Variants in C12orf42 observed in about 807,000 individuals in gnomAD.
The protein encoded by C12orf42 is uncharacterized protein C12orf42.
Under a neutral mutation model 21.6 loss-of-function variants are expected in C12orf42, and 25 were observed. That is an observed-to-expected ratio of 1.16 (90% CI 0.84 to 1.62). The LOEUF (loss-of-function observed/expected upper bound fraction) is 1.62, where lower values mean the gene tolerates loss of function less well. C12orf42 is among the 40% of genes most tolerant of loss of function. C12orf42 has a pLI of 0.00. For missense variants in C12orf42, 483 were observed against 459.3 expected (o/e 1.05, Z -0.47); for synonymous variants, 174 against 175.0 (o/e 0.99, Z 0.05).
chr12:103,507,516 A>C, the C12orf42 span, among the ~76,000 whole-genome samples: 6 of 150,004 alleles, frequency 4.0e-5, no homozygotes, highest in African/African-American at 1.5e-4. Context: ...AAAAAAAAAA[A>C]AATTGTTTTT....
downstream of C12orf42, among the ~76,000 whole-genome samples, chr12:103,234,098 A>C (rs2033391716): frequency 1.3e-5 from 2 of 152,176 alleles, no homozygotes; most frequent in Non-Finnish European, 2.9e-5. Flanking sequence ...CTGTTGATGC[A>C]ATGGATTGCA....
intron 1 of C12orf42, among the ~76,000 whole-genome samples, chr12:103,484,588 T>A (rs1200707260): frequency 6.6e-6 from 1 of 152,112 alleles, no homozygotes; most frequent in Non-Finnish European, 1.5e-5. Flanking sequence ...TTGCAAAAAA[T>A]TTTCTCCCAT....
chr12:103,301,560 T>C (rs2037652642), downstream of C12orf42, among the ~76,000 whole-genome samples: 1 of 152,212 alleles, frequency 6.6e-6, no homozygotes, highest in African/African-American at 2.4e-5. Context: ...TTCCAAGTGT[T>C]TCAGGGCCTC....
the C12orf42 span, among the ~76,000 whole-genome samples, chr12:103,506,872 T>A: frequency 1.0e-4 from 6 of 57,398 alleles, no homozygotes; most frequent in Non-Finnish European, 1.5e-4. Context: ...ATATATATAT[T>A]TATATATTAT....
the C12orf42 span, among the ~76,000 whole-genome samples, chr12:103,545,967 G>A: frequency 6.6e-6 from 1 of 152,206 alleles, no homozygotes; most frequent in Non-Finnish European, 1.5e-5. Context: ...TTTATGAATA[G>A]AGACAACTAA....
At chr12:103,048,687 C>A in the C12orf42 span, among the ~76,000 whole-genome samples, 146 of 152,268 alleles carry the variant, frequency 9.6e-4, no homozygotes, top group African/African-American at 3.4e-3. Context: ...AAGAGCTTAG[C>A]CTTGACCTTT....
intron 3 of C12orf42, among the ~76,000 whole-genome samples, chr12:103,377,544 C>A (rs963862804): frequency 3.3e-5 from 5 of 152,068 alleles, no homozygotes; most frequent in African/African-American, 1.2e-4. Flanking sequence ...GCCCGAGTGT[C>A]CCACAGGCCA....
chr12:103,388,252 T>C (rs576582240), intron 3 of C12orf42, among the ~76,000 whole-genome samples: 17 of 152,198 alleles, frequency 1.1e-4, no homozygotes, highest in Non-Finnish European at 1.6e-4. Context: ...CTTTCTGCTT[T>C]GATCTCTCTC....
the C12orf42 span, among the ~76,000 whole-genome samples, chr12:103,152,330 TG>T: frequency 6.6e-6 from 1 of 152,338 alleles, no homozygotes. Flanking sequence ...TATGGTAATT[TG>T]TTATGCAGCA....
intron 2 of C12orf42, among the ~76,000 whole-genome samples, chr12:103,444,406 TATAATTCTGTC>T (rs1345400920): frequency 6.6e-6 from 1 of 152,148 alleles, no homozygotes; most frequent in Non-Finnish European, 1.5e-5. Flanking sequence ...TCATTTATTG[TATAATTCTGTC>T]ATCAATGTGG....
chr12:103,557,590 AGTTGAGGTATATATGCCCTAGCCT>A, the C12orf42 span: 1 of 152,184 alleles, frequency 6.6e-6, no homozygotes, highest in Non-Finnish European at 1.5e-5. Flanking sequence ...GTTGGACTGG[AGTTGAGGTATATATGCCCTAGCCT>A]CCCAACCCTG....
chr12:103,116,416 A>G, the C12orf42 span, among the ~76,000 whole-genome samples: 1 of 148,944 alleles, frequency 6.7e-6, no homozygotes, highest in South Asian at 2.1e-4. Context: ...ATATACATAT[A>G]TATATATAAA....
At chr12:103,258,080 A>G (rs1417024300) in intron 10 of C12orf42, among the ~76,000 whole-genome samples, 2 of 152,172 alleles carry the variant, frequency 1.3e-5, no homozygotes, top group African/African-American at 4.8e-5. Context: ...ACAAGAAAGT[A>G]TAAGCTCAGA....
chr12:103,349,609 TGTAA>T (rs1417219993), intron 4 of C12orf42, among the ~76,000 whole-genome samples: 2 of 152,114 alleles, frequency 1.3e-5, no homozygotes, highest in Admixed American at 1.3e-4. Flanking sequence ...AGAAAAACTG[TGTAA>T]GTATCTTGGT....
the C12orf42 span, among the ~76,000 whole-genome samples, chr12:103,524,803 C>A: frequency 6.6e-6 from 1 of 152,198 alleles, no homozygotes; most frequent in South Asian, 2.1e-4. Context: ...CCAGGAAGCA[C>A]TTTCAGGCAT....
chr12:103,373,274 C>T (rs1165251736), intron 3 of C12orf42, among the ~76,000 whole-genome samples: 1 of 152,208 alleles, frequency 6.6e-6, no homozygotes, highest in African/African-American at 2.4e-5. Flanking sequence ...ACCACCAGCC[C>T]TCCCCTTTGT....
chr12:103,383,102 A>T (rs1336303960), intron 3 of C12orf42, among the ~76,000 whole-genome samples: 1 of 149,916 alleles, frequency 6.7e-6, no homozygotes, highest in African/African-American at 2.4e-5. Context: ...GCTCTTCAGG[A>T]TATAGTGTTC....
chr12:103,112,906 C>G, the C12orf42 span, among the ~76,000 whole-genome samples: 1 of 152,302 alleles, frequency 6.6e-6, no homozygotes, highest in South Asian at 2.1e-4. Flanking sequence ...ACCTGCTGGC[C>G]TACTTCTAAT....
chr12:103,307,887 T>C (rs757174486), intron 4 of C12orf42, among the ~76,000 whole-genome samples: 1 of 152,186 alleles, frequency 6.6e-6, no homozygotes, highest in Non-Finnish European at 1.5e-5. Context: ...TCATTTGCCT[T>C]TATCTTATTA....
Sources: gnomAD v4.1 joint callset for allele counts (sites outside exome capture counted in the v4.1 genomes callset) on GRCh38, gnomAD v4.1.1 for gene constraint, MANE v1.5 for transcripts, NCBI Gene and HGNC (gene_info 2026-07-23, HGNC 2026-07-21) for gene names.